BAG4: variants seen among roughly 807,000 people sequenced by gnomAD.
BAG4 encodes BAG family molecular chaperone regulator 4.
BAG4 carries 28 observed loss-of-function variants against 52.1 expected under a neutral mutation model. That is an observed-to-expected ratio of 0.54 (90% CI 0.40 to 0.74). The LOEUF is 0.74. BAG4 is among the 30% of genes least tolerant of loss of function. The probability of loss-of-function intolerance (pLI) is 0.00; values close to 1 mark genes in which losing one functional copy is unlikely to be tolerated. For synonymous variants in BAG4, 208 were observed against 217.0 expected (o/e 0.96, Z 0.37); for missense variants, 525 against 572.0 (o/e 0.92, Z 0.84).
In BAG4 at chr8:38,180,522, C is replaced by CAAAAAAAAAAAAAAAAAA. The variant is rs1161178024; in HGVS notation, c.270+3392_270+3409dup. Among the ~76,000 whole-genome samples the CAAAAAAAAAAAAAAAAAA allele has an allele frequency of 1.4e-3, 38 of 26,496 alleles. 5 individuals carry two copies. The highest frequency in any genetic ancestry group is 0.02 in the Middle Eastern group (1 of 50). The allele number at this position is 26,496 out of a possible 152,430, so 17.4% of individuals were successfully genotyped here. ...TGGGCAGCAAAGCGAGACTCCGTCT[C>CAAAAAAAAAAAAAAAAAA]AAAAAAAAAAAAAAAAAAAAAAAAA... On this transcript the variant is annotated intron_variant, in intron 1 of 4. Transcript: ENST00000287322.
At chr8:38,178,460 G>A (rs1018483142) in intron 1 of BAG4, among the ~76,000 whole-genome samples, 18 of 152,150 alleles carry the variant, frequency 1.2e-4, no homozygotes, top group African/African-American at 4.3e-4. Flanking sequence ...CACTGCGCTC[G>A]GCCCCAAATG....
intron 1 of BAG4, among the ~76,000 whole-genome samples, chr8:38,178,954 GTAAGA>G (rs1159726447): frequency 6.6e-6 from 1 of 151,736 alleles, no homozygotes; most frequent in African/African-American, 2.4e-5. Flanking sequence ...GGGCAACATA[GTAAGA>G]CCTTGTCTCT....
intron 4 of BAG4, 43 bp from the exon 5 acceptor site, chr8:38,209,965 C>T (rs776341463): frequency 6.3e-7 from 1 of 1,589,906 alleles, no homozygotes; most frequent in Non-Finnish European, 8.6e-7. Context: ...GATGCATTCC[C>T]ATTAAAACAG....
Position 38,180,522 on chromosome 8 carries a change from C to CAAAAAAAAAAAAAAAA in BAG4, c.270+3394_270+3409dup, listed in dbSNP as rs1161178024. Among the ~76,000 whole-genome samples, 55 of 26,496 alleles carry CAAAAAAAAAAAAAAAA rather than the reference C, an allele frequency of 2.1e-3. 6 individuals are homozygous for CAAAAAAAAAAAAAAAA. Among genetic ancestry groups the CAAAAAAAAAAAAAAAA allele is most frequent in the East Asian group, 4.3e-3 (4 of 930 alleles). The allele number at this position is 26,496 out of a possible 152,430, so 17.4% of individuals were successfully genotyped here. ...TGGGCAGCAAAGCGAGACTCCGTCT[C>CAAAAAAAAAAAAAAAA]AAAAAAAAAAAAAAAAAAAAAAAAA... On this transcript the variant is annotated intron_variant, in intron 1 of 4. Transcript: ENST00000287322.
intron 4 of BAG4, 86 bp downstream of exon 4, chr8:38,209,353 T>C: frequency 6.5e-7 from 1 of 1,544,764 alleles, no homozygotes; most frequent in South Asian, 1.2e-5. Context: ...CTGGTTTGTG[T>C]TAAATGGGGA....
chr8:38,196,804 C>T lies in BAG4; in HGVS notation c.378+4009C>T, dbSNP rs113857691. On this transcript the variant is annotated intron_variant, in intron 2 of 4. Coordinates refer to ENST00000287322, the MANE Select transcript of BAG4 (RefSeq NM_004874.4). Reference sequence around the variant, plus strand: ...CTATTTAGATTCTTTGGGCCTGGTGCGGTGGCTCACACCTGTAATCCCAGC... The same window carrying T: ...CTATTTAGATTCTTTGGGCCTGGTGTGGTGGCTCACACCTGTAATCCCAGC... Among the ~76,000 whole-genome samples, 908 of 151,936 alleles carry T rather than the reference C, an allele frequency of 6.0e-3. 8 individuals are homozygous for T. Among genetic ancestry groups the T allele is most frequent in the African/African-American group, 0.02 (821 of 41,434 alleles).
At chr8:38,181,556 G>C (rs1354302152) in intron 1 of BAG4, among the ~76,000 whole-genome samples, 1 of 151,874 alleles carries the variant, frequency 6.6e-6, no homozygotes, top group Non-Finnish European at 1.5e-5. Context: ...GGCCAACGTG[G>C]TGAAACCCCG....
chr8:38,200,282 C>T (rs1487125637), intron 2 of BAG4, among the ~76,000 whole-genome samples: 2 of 152,158 alleles, frequency 1.3e-5, no homozygotes, highest in African/African-American at 4.8e-5. Flanking sequence ...GCTGGAATTA[C>T]AGGCATGAGC....
chr8:38,195,264 C>T (rs1803545615), intron 2 of BAG4, among the ~76,000 whole-genome samples: 1 of 152,144 alleles, frequency 6.6e-6, no homozygotes, highest in Non-Finnish European at 1.5e-5. Flanking sequence ...GATCTTCCCA[C>T]TTCAGCCTCC....
intron 2 of BAG4, among the ~76,000 whole-genome samples, chr8:38,200,942 G>A (rs538492317): frequency 1.7e-3 from 259 of 152,298 alleles, no homozygotes; most frequent in Non-Finnish European, 1.6e-3. Flanking sequence ...GATCAGTTTG[G>A]AGAGTAGCAT....
Position 38,183,084 on chromosome 8 carries a change from G to T in BAG4, c.270+5945G>T, listed in dbSNP as rs192496450. Among the ~76,000 whole-genome samples the T allele has an allele frequency of 5.8e-5, 7 of 120,238 alleles. No homozygotes were observed. The East Asian group carries it at 1.7e-3, about 30-fold the overall frequency. 78.9% of individuals were successfully genotyped at this position (120,238 alleles called of 152,430 possible). A position where few individuals can be genotyped will look rare whatever the true frequency, so the allele number is the denominator to read the frequency against. On this transcript the variant is annotated intron_variant, in intron 1 of 4. Transcript: ENST00000287322. ...TTTTTAGACAGAGTCTCTCTTTGTC[G>T]CCCAGGCTGGAGTGCAGTGGCGAAA...
rs1803856814 is a variant in BAG4, at chr8:38,210,853, GACAA to G, written c.*364_*367del. 1.2e-5 allele frequency: 2 copies of G among 168,762 alleles called. No individual in the cohort carries two copies. The highest frequency in any genetic ancestry group is 4.8e-5 in the African/African-American group (2 of 41,936). 10.5% of individuals were successfully genotyped at this position (168,762 alleles called of 1,614,324 possible). A position where few individuals can be genotyped will look rare whatever the true frequency, so the allele number is the denominator to read the frequency against. Reference sequence around the variant, plus strand: ...CCAGATGAAACTGGATATAATCTGAGACAAACAGGATGTGTTTTTTTAAACATCT... The same window carrying G: ...CCAGATGAAACTGGATATAATCTGAGACAGGATGTGTTTTTTTAAACATCT... On this transcript the variant is annotated 3_prime_UTR_variant, in exon 5 of 5. Coordinates refer to ENST00000287322, the MANE Select transcript of BAG4 (RefSeq NM_004874.4).
In BAG4 at chr8:38,211,814, G is replaced by A. The variant is rs1803872696; in HGVS notation, c.*1321G>A. On this transcript the variant is annotated 3_prime_UTR_variant, in exon 5 of 5. Transcript: ENST00000287322. The stretch of plus-strand genomic sequence containing the variant: ...AAAGGGTCTTTATTGGCCTTGTTTG[G>A]GTAACTCTATGCTGTTAGATAGAAG... 1 of 152,042 alleles carries A rather than the reference G, an allele frequency of 6.6e-6. No individual in the cohort carries two copies. The highest frequency in any genetic ancestry group is 2.4e-5 in the African/African-American group (1 of 41,430). The allele number at this position is 152,042 out of a possible 1,614,324, so 9.4% of individuals were successfully genotyped here.
chr8:38,207,814 C>CT (rs1338777768), intron 3 of BAG4, 48 bp downstream of exon 3: 1 of 1,600,338 alleles, frequency 6.2e-7, no homozygotes, highest in African/African-American at 1.3e-5. Flanking sequence ...GTCTCTGCCT[C>CT]TTGTAAACAG....
intron 2 of BAG4, among the ~76,000 whole-genome samples, chr8:38,194,543 GT>G (rs1803530059): frequency 6.6e-6 from 1 of 150,782 alleles, no homozygotes; most frequent in South Asian, 2.1e-4. Flanking sequence ...AGCCTCCCGA[GT>G]AGCTGGGATT....
chr8:38,182,640 A>T (rs1803290500), intron 1 of BAG4, among the ~76,000 whole-genome samples: 1 of 152,206 alleles, frequency 6.6e-6, no homozygotes, highest in Non-Finnish European at 1.5e-5. Context: ...AGTTAGGCAC[A>T]TGATAAAATT....
intron 1 of BAG4, among the ~76,000 whole-genome samples, chr8:38,180,545 A>G (rs952537526): frequency 6.6e-6 from 1 of 151,446 alleles, no homozygotes; most frequent in Admixed American, 6.6e-5. Context: ...AAAAAAAAAA[A>G]AAAGATATGC....
At chr8:38,187,658 T>G (rs1252915224) in intron 1 of BAG4, among the ~76,000 whole-genome samples, 1 of 152,096 alleles carries the variant, frequency 6.6e-6, no homozygotes. Context: ...CAGACTTATA[T>G]AGGAATAGCA....
chr8:38,188,663 GTATACATATACATGTATACATATATA>G (rs1803413985), intron 1 of BAG4, among the ~76,000 whole-genome samples: 1 of 1,324 alleles, frequency 7.6e-4, no homozygotes, highest in Admixed American at 8.9e-3. Flanking sequence ...ATATATACAT[GTATACATATACATGTATACATATATA>G]CATGTATACA....
Sources: allele counts gnomAD v4.1 joint callset (sites outside exome capture counted in the v4.1 genomes callset), GRCh38; gene constraint gnomAD v4.1.1; transcripts MANE v1.5; gene names NCBI Gene and HGNC (gene_info 2026-07-23, HGNC 2026-07-21).